Variants in FBXL17 observed in about 807,000 individuals in gnomAD.
The protein encoded by FBXL17 is F-box/LRR-repeat protein 17.
A neutral mutation model predicts 66.2 loss-of-function variants in FBXL17; 22 were observed. The ratio of observed to expected loss-of-function variants is 0.33; its 90% CI spans 0.24 to 0.47. FBXL17 has a LOEUF of 0.47. Among genes scored for constraint, FBXL17 ranks in the 20% least tolerant of loss-of-function variants. The pLI, the probability that FBXL17 is intolerant of heterozygous loss-of-function variation, is 1.00. For missense variants in FBXL17, 878 were observed against 948.2 expected (o/e 0.93, Z 0.97); for synonymous variants, 474 against 400.5 (o/e 1.18, Z -2.19).
intron 4 of FBXL17, among the ~76,000 whole-genome samples, chr5:108,268,742 G>A (rs1757145690): frequency 1.3e-5 from 2 of 151,972 alleles, no homozygotes; most frequent in Non-Finnish European, 2.9e-5. Context: ...TTAATTAAGG[G>A]ACTTTAAAAT....
chr5:108,074,302 T>C (rs1041486224), intron 6 of FBXL17, among the ~76,000 whole-genome samples: 1 of 131,526 alleles, frequency 7.6e-6, no homozygotes, highest in African/African-American at 2.8e-5. Flanking sequence ...GATAAGAGAT[T>C]TGAAAAGATT....
At chr5:108,206,083 C>T (rs2150054611) in intron 5 of FBXL17, among the ~76,000 whole-genome samples, 1 of 152,188 alleles carries the variant, frequency 6.6e-6, no homozygotes, top group Admixed American at 6.5e-5. Flanking sequence ...AATATCAATC[C>T]ACATATAATC....
chr5:108,086,239 T>C (rs911866448), intron 6 of FBXL17, among the ~76,000 whole-genome samples: 1 of 152,044 alleles, frequency 6.6e-6, no homozygotes, highest in African/African-American at 2.4e-5. Context: ...CCCTTGAAGA[T>C]CCTCATTCCA....
chr5:108,261,415 G>T (rs1756815344), intron 4 of FBXL17, among the ~76,000 whole-genome samples: 1 of 152,018 alleles, frequency 6.6e-6, no homozygotes, highest in Non-Finnish European at 1.5e-5. Context: ...TTAAATTTTA[G>T]AACAAAAAGA....
intron 6 of FBXL17, among the ~76,000 whole-genome samples, chr5:108,028,035 A>G (rs2112779025): frequency 6.6e-6 from 1 of 152,300 alleles, no homozygotes. Flanking sequence ...TACAGACAGC[A>G]GAAGAGAAGA....
chr5:108,016,786 C>CTTTTTT (rs70996975), intron 7 of FBXL17, among the ~76,000 whole-genome samples: 3 of 131,966 alleles, frequency 2.3e-5, no homozygotes, highest in Non-Finnish European at 3.3e-5. Context: ...TTCTTTCTTT[C>CTTTTTT]TTTTTTTTTT....
chr5:108,240,546 G>C (rs1271245382), intron 4 of FBXL17, among the ~76,000 whole-genome samples: 3 of 152,126 alleles, frequency 2.0e-5, no homozygotes, highest in Non-Finnish European at 4.4e-5. Context: ...CAGTAGAATA[G>C]AACACCAAGT....
At chr5:108,309,690 T>TA (rs1253869443) in intron 4 of FBXL17, among the ~76,000 whole-genome samples, 13 of 152,006 alleles carry the variant, frequency 8.6e-5, no homozygotes, top group Non-Finnish European at 1.5e-4. Flanking sequence ...AAATACAACT[T>TA]ACATTTACAC....
chr5:107,911,540 A>G (rs1389271838), intron 7 of FBXL17, among the ~76,000 whole-genome samples: 1 of 152,126 alleles, frequency 6.6e-6, no homozygotes, highest in African/African-American at 2.4e-5. Flanking sequence ...GCAGCAATCT[A>G]TAAGGTAGAT....
At chr5:108,054,276 G>T (rs1341576523) in intron 6 of FBXL17, among the ~76,000 whole-genome samples, 1 of 151,758 alleles carries the variant, frequency 6.6e-6, no homozygotes, top group African/African-American at 2.4e-5. Context: ...TATTTCTTCT[G>T]CATCCCTGAA....
chr5:108,249,279 G>T (rs1756242980), intron 4 of FBXL17, among the ~76,000 whole-genome samples: 1 of 152,050 alleles, frequency 6.6e-6, no homozygotes, highest in South Asian at 2.1e-4. Flanking sequence ...AAGAAAGGGA[G>T]ATTTCAGTCT....
At chr5:108,081,787 A>G (rs1327666449) in intron 6 of FBXL17, among the ~76,000 whole-genome samples, 1 of 152,130 alleles carries the variant, frequency 6.6e-6, no homozygotes, top group African/African-American at 2.4e-5. Context: ...ATGTTCAAAT[A>G]TTATTCAAGC....
chr5:107,924,805 T>C (rs1750448448), intron 7 of FBXL17, among the ~76,000 whole-genome samples: 1 of 152,182 alleles, frequency 6.6e-6, no homozygotes, highest in African/African-American at 2.4e-5. Context: ...TCGAGACCAG[T>C]TTAAGAATTC....
chr5:108,208,489 T>G (rs1754225130), intron 5 of FBXL17, among the ~76,000 whole-genome samples: 1 of 152,200 alleles, frequency 6.6e-6, no homozygotes, highest in Admixed American at 6.5e-5. Flanking sequence ...GATTTTTGTA[T>G]AAGGTGTAAG....
At chr5:108,243,283 G>T (rs1755942144) in intron 4 of FBXL17, among the ~76,000 whole-genome samples, 1 of 152,112 alleles carries the variant, frequency 6.6e-6, no homozygotes, top group Non-Finnish European at 1.5e-5. Flanking sequence ...AAATTTCTTT[G>T]ACTAATATTG....
At chr5:107,897,996 T>C (rs942934461) in intron 7 of FBXL17, among the ~76,000 whole-genome samples, 16 of 152,120 alleles carry the variant, frequency 1.1e-4, no homozygotes, top group African/African-American at 3.9e-4. Context: ...CAAGAACTAA[T>C]AGACACTACA....
chr5:108,010,482 T>C (rs1298570837), intron 7 of FBXL17, among the ~76,000 whole-genome samples: 1 of 152,114 alleles, frequency 6.6e-6, no homozygotes, highest in Non-Finnish European at 1.5e-5. Flanking sequence ...CTTTGCTGAG[T>C]TGTAATGAGA....
chr5:107,873,639 T>C (rs1460423277), intron 8 of FBXL17, among the ~76,000 whole-genome samples: 1 of 152,208 alleles, frequency 6.6e-6, no homozygotes, highest in African/African-American at 2.4e-5. Flanking sequence ...GTCTTGTTGC[T>C]ACTTGGTGAA....
intron 7 of FBXL17, among the ~76,000 whole-genome samples, chr5:107,984,363 A>G (rs1360983732): frequency 3.3e-5 from 5 of 152,194 alleles, no homozygotes; most frequent in African/African-American, 1.2e-4. Flanking sequence ...AGAGTATATT[A>G]CTATTAACAA....
Sources: allele counts gnomAD v4.1 joint callset (sites outside exome capture counted in the v4.1 genomes callset), GRCh38; gene constraint gnomAD v4.1.1; transcripts MANE v1.5; gene names NCBI Gene and HGNC (gene_info 2026-07-23, HGNC 2026-07-21).